LDLRAD4: variants seen among roughly 807,000 people sequenced by gnomAD.
LDLRAD4 encodes low-density lipoprotein receptor class A domain-containing protein 4.
In LDLRAD4, 5 loss-of-function variants were observed where a neutral mutation model predicts 17.0. That is an observed-to-expected ratio of 0.29 (90% CI 0.15 to 0.62). The LOEUF (loss-of-function observed/expected upper bound fraction) is 0.62. Among genes scored for constraint, LDLRAD4 ranks in the 20% least tolerant of loss-of-function variants. The pLI is 0.84. For synonymous variants in LDLRAD4, 168 were observed against 171.8 expected (o/e 0.98, Z 0.17); for missense variants, 340 against 424.7 (o/e 0.80, Z 1.75).
chr18:13,384,910 G>C (rs771976825), intron 1 of LDLRAD4, among the ~76,000 whole-genome samples: 2 of 152,208 alleles, frequency 1.3e-5, no homozygotes, highest in Non-Finnish European at 2.9e-5. Flanking sequence ...GGTTGCTTCC[G>C]TATCTTGGTT....
chr18:13,551,077 C>T (rs1265095403), intron 3 of LDLRAD4, among the ~76,000 whole-genome samples: 1 of 152,154 alleles, frequency 6.6e-6, no homozygotes, highest in Non-Finnish European at 1.5e-5. Context: ...ATTTTCTATG[C>T]ATCTCTAAAT....
intron 1 of LDLRAD4, among the ~76,000 whole-genome samples, chr18:13,229,662 GC>G (rs2041974604): frequency 6.6e-6 from 1 of 152,184 alleles, no homozygotes; most frequent in Non-Finnish European, 1.5e-5. Context: ...GGAGAGTGAG[GC>G]CCCCAGGCCC....
intron 3 of LDLRAD4, among the ~76,000 whole-genome samples, chr18:13,572,427 G>T (rs190713553): frequency 2.6e-5 from 4 of 152,312 alleles, no homozygotes; most frequent in Admixed American, 1.3e-4. Context: ...GGCTGGGAGT[G>T]GAAGGAGGCT....
intron 3 of LDLRAD4, among the ~76,000 whole-genome samples, chr18:13,445,739 G>A (rs1371836737): frequency 1.3e-5 from 2 of 150,444 alleles, no homozygotes; most frequent in Admixed American, 6.6e-5. Context: ...GTAGGTGCAT[G>A]TATGTGTGTG....
chr18:13,441,458 G>A (rs1487281904), intron 3 of LDLRAD4, among the ~76,000 whole-genome samples: 1 of 152,224 alleles, frequency 6.6e-6, no homozygotes, highest in Non-Finnish European at 1.5e-5. Context: ...TCCTGCTTAG[G>A]AGCAGGATTG....
chr18:13,459,647 TGCTGGGATTACAGCTGTGAGC>T (rs1338475840), intron 3 of LDLRAD4, among the ~76,000 whole-genome samples: 2 of 152,188 alleles, frequency 1.3e-5, no homozygotes, highest in Non-Finnish European at 2.9e-5. Flanking sequence ...CCTCCCAAAG[TGCTGGGATTACAGCTGTGAGC>T]CACCGCACCC....
At chr18:13,256,889 C>T (rs554953197) in intron 1 of LDLRAD4, among the ~76,000 whole-genome samples, 2 of 151,888 alleles carry the variant, frequency 1.3e-5, no homozygotes, top group Admixed American at 1.3e-4. Context: ...ACGAAGTTGC[C>T]ATTTGGCGGA....
chr18:13,357,448 C>G (rs2083414804), intron 1 of LDLRAD4, among the ~76,000 whole-genome samples: 1 of 152,040 alleles, frequency 6.6e-6, no homozygotes. Flanking sequence ...GTTAAAGACA[C>G]TGGACCTGTT....
At chr18:13,504,999 AT>A (rs1307900737) in intron 3 of LDLRAD4, among the ~76,000 whole-genome samples, 1 of 152,144 alleles carries the variant, frequency 6.6e-6, no homozygotes, top group Non-Finnish European at 1.5e-5. Context: ...TGCCATGAGG[AT>A]GGGGACGGGG....
At chr18:13,642,610 C>T (rs1270792962) in intron 4 of LDLRAD4, 9 of 1,229,996 alleles carry the variant, frequency 7.3e-6, no homozygotes, top group African/African-American at 6.2e-5. Context: ...CACCTGCGAG[C>T]GCGGACTTGC....
intron 4 of LDLRAD4, chr18:13,642,384 GGGTA>G: frequency 9.5e-7 from 1 of 1,053,262 alleles, no homozygotes; most frequent in Non-Finnish European, 1.1e-6. Context: ...GGGCTGAAAA[GGGTA>G]CCACGCGTAC....
rs143095334 is a variant in LDLRAD4, at chr18:13,642,334, C to A, written c.337-1025C>A. 3.5e-4 allele frequency: 354 copies of A among 1,000,858 alleles called. No individual in the cohort carries two copies. In the African/African-American group the frequency reaches 5.1e-3, roughly 14 times the overall value. 62.0% of individuals were successfully genotyped at this position (1,000,858 alleles called of 1,614,324 possible). ...ACGCTGAGTTCGCGCTCTCCCGTGA[C>A]GGCCGACAGCCCCGCGGACCCTGCT... On this transcript the variant is annotated intron_variant, in intron 4 of 5. Coordinates refer to ENST00000359446, the Ensembl canonical transcript of LDLRAD4.
At chr18:13,372,454 G>A (rs955018461) in intron 1 of LDLRAD4, among the ~76,000 whole-genome samples, 3 of 152,184 alleles carry the variant, frequency 2.0e-5, no homozygotes, top group Non-Finnish European at 4.4e-5. Context: ...TGAACTATTA[G>A]AAGAAATGAA....
At chr18:13,296,286 A>G (rs954553942) in intron 1 of LDLRAD4, among the ~76,000 whole-genome samples, 1 of 152,236 alleles carries the variant, frequency 6.6e-6, no homozygotes, top group Admixed American at 6.5e-5. Flanking sequence ...CTCTGTCAGG[A>G]TAGGCTGAGG....
intron 3 of LDLRAD4, among the ~76,000 whole-genome samples, chr18:13,583,934 C>G (rs1037842840): frequency 7.2e-5 from 11 of 152,210 alleles, no homozygotes; most frequent in Admixed American, 3.9e-4. Context: ...CCCTGCTCCC[C>G]CAGCTGCCTA....
At chr18:13,384,080 G>C (rs963237036) in intron 1 of LDLRAD4, among the ~76,000 whole-genome samples, 1 of 152,108 alleles carries the variant, frequency 6.6e-6, no homozygotes, top group Non-Finnish European at 1.5e-5. Context: ...CCATGACCAC[G>C]CTTAGACCTC....
chr18:13,430,436 C>T (rs2090254467), intron 2 of LDLRAD4, among the ~76,000 whole-genome samples: 1 of 152,192 alleles, frequency 6.6e-6, no homozygotes, highest in Admixed American at 6.5e-5. Context: ...TATTTAAACC[C>T]TGCAGATTGA....
intron 1 of LDLRAD4, among the ~76,000 whole-genome samples, chr18:13,243,368 C>T (rs750690060): frequency 3.9e-5 from 6 of 152,106 alleles, no homozygotes; most frequent in Non-Finnish European, 7.4e-5. Context: ...AATGTGGGAA[C>T]AGCATTTGAA....
chr18:13,224,480 T>TC (rs1314071455), intron 1 of LDLRAD4, among the ~76,000 whole-genome samples: 3 of 133,094 alleles, frequency 2.3e-5, no homozygotes, highest in Non-Finnish European at 4.8e-5. Flanking sequence ...CTTTCTTTTT[T>TC]TTTTTTTTTT....
Sources: allele counts gnomAD v4.1 joint callset (sites outside exome capture counted in the v4.1 genomes callset), GRCh38; gene constraint gnomAD v4.1.1; transcripts MANE v1.5; gene names NCBI Gene and HGNC (gene_info 2026-07-23, HGNC 2026-07-21).